NCS1: variants seen among roughly 807,000 people sequenced by gnomAD.
NCS1 encodes the protein frequenin homolog.
Under a neutral mutation model 28.4 loss-of-function variants are expected in NCS1, and 6 were observed. That is an observed-to-expected ratio of 0.21 (90% CI 0.12 to 0.42). NCS1 has a LOEUF of 0.42. Among genes scored for constraint, NCS1 ranks in the 10% least tolerant of loss-of-function variants. The probability of loss-of-function intolerance (pLI) is 1.00; values close to 1 mark genes in which losing one functional copy is unlikely to be tolerated. For synonymous variants in NCS1, 86 were observed against 99.3 expected (o/e 0.87, Z 0.79); for missense variants, 131 against 241.4 (o/e 0.54, Z 3.03).
intron 2 of NCS1, among the ~76,000 whole-genome samples, chr9:130,203,025 G>A (rs1222604325): frequency 2.0e-5 from 3 of 150,274 alleles, no homozygotes; most frequent in African/African-American, 7.5e-5. Flanking sequence ...CAGAAGCTGA[G>A]CTCTTGCCTC....
intron 2 of NCS1, among the ~76,000 whole-genome samples, chr9:130,212,373 T>C (rs1165378529): frequency 1.3e-5 from 2 of 151,252 alleles, no homozygotes; most frequent in Non-Finnish European, 2.9e-5. Flanking sequence ...GGGGAGGGGG[T>C]GCTACTGGCA....
At position 130,228,221 on chromosome 9, in the gene NCS1, G is replaced by T. The variant is rs1176185991; in HGVS notation, c.*17+1717G>T. 2.0e-5 allele frequency among the ~76,000 whole-genome samples: 3 copies of T among 150,362 alleles called. No homozygotes were observed. The East Asian group carries it at 5.8e-4, about 29-fold the overall frequency. ...TTTTTCTGCGACTGGGTCTCACTCT[G>T]TTACCCAGCCACCAGGTCATGGCTC... On this transcript the variant is annotated intron_variant, in intron 7 of 7. Transcript: ENST00000372398.
intron 7 of NCS1, among the ~76,000 whole-genome samples, chr9:130,231,318 C>T (rs781803609): frequency 5.9e-5 from 9 of 151,632 alleles, no homozygotes; most frequent in Non-Finnish European, 7.4e-5. Flanking sequence ...CACCACCGCA[C>T]TCCAGCCTGG....
rs2131166490 is a variant in NCS1 at position 130,233,824 on chromosome 9, G to A, written c.*852G>A. On this transcript the variant is annotated 3_prime_UTR_variant, in exon 8 of 8. Coordinates refer to ENST00000372398, the MANE Select transcript of NCS1 (RefSeq NM_014286.4). The surrounding 1 kb of genome is among the most constrained non-coding windows in gnomAD (Gnocchi z 4.8). ...TTTTTTTTTTTCAGATACTGTGCTT[G>A]ATTTTTGGAGAGGGGAGAGGTGGAA... 1 of 152,122 alleles carries A rather than the reference G, an allele frequency of 6.6e-6. No individual in the cohort carries two copies. Among genetic ancestry groups the A allele is most frequent in the Middle Eastern group, 3.4e-3 (1 of 294 alleles). The allele number at this position is 152,122 out of a possible 1,614,324, so 9.4% of individuals were successfully genotyped here.
At chr9:130,217,685 G>A (rs1833208698) in intron 2 of NCS1, 147 bp from the exon 3 acceptor site, 3 of 1,145,122 alleles carry the variant, frequency 2.6e-6, no homozygotes, top group Non-Finnish European at 4.0e-6. Flanking sequence ...GACTGCGCCT[G>A]TGCCTATCAA....
intron 2 of NCS1, among the ~76,000 whole-genome samples, chr9:130,211,816 G>A (rs782360329): frequency 1.3e-5 from 2 of 152,180 alleles, no homozygotes; most frequent in African/African-American, 2.4e-5. Flanking sequence ...TCAACAGCCC[G>A]TGGCCTGTCA....
chr9:130,233,400 C>T lies in NCS1; in HGVS notation c.*428C>T, dbSNP rs1166775103. 1.4e-4 allele frequency: 21 copies of T among 152,472 alleles called. No homozygotes were observed. The highest frequency in any genetic ancestry group is 5.1e-4 in the African/African-American group (21 of 41,428). The allele number at this position is 152,472 out of a possible 1,614,324, so 9.4% of individuals were successfully genotyped here. A position where few individuals can be genotyped will look rare whatever the true frequency, so the allele number is the denominator to read the frequency against. ...GACAGATGGGGTGAAGGCCTGGGGA[C>T]CTCAGAGAACTCTGCCTTGCCCTCG... is the stretch of plus-strand genomic sequence containing the variant. On this transcript the variant is annotated 3_prime_UTR_variant, in exon 8 of 8. Coordinates refer to ENST00000372398, the MANE Select transcript of NCS1 (RefSeq NM_014286.4). This position sits in a 1 kb window ranked among gnomAD's most constrained non-coding sequence, Gnocchi z 4.8.
At chr9:130,222,810 A>G (rs1454261307) in intron 5 of NCS1, 72 bp downstream of exon 5, 3 of 1,484,970 alleles carry the variant, frequency 2.0e-6, no homozygotes, top group Non-Finnish European at 2.8e-6. Context: ...ACAGAGAGAG[A>G]GCACTTGTGC....
rs2131155716 is a variant in NCS1 at position 130,222,056 on chromosome 9, C to CGTGTGTGTGT, written c.308-594_308-593insGTGTGTGTGT. 8.7e-5 allele frequency among the ~76,000 whole-genome samples: 10 copies of CGTGTGTGTGT among 114,396 alleles called. 2 individuals are homozygous for CGTGTGTGTGT. Among genetic ancestry groups the CGTGTGTGTGT allele is most frequent in the African/African-American group, 3.5e-4 (10 of 28,344 alleles). The allele number at this position is 114,396 out of a possible 152,430, so 75.0% of individuals were successfully genotyped here. ...AATTATGTATCTATAAATATATATA[C>CGTGTGTGTGT]ATAAATATAAATTATGTATCTATAA... On this transcript the variant is annotated intron_variant, in intron 4 of 7. Coordinates refer to ENST00000372398, the MANE Select transcript of NCS1 (RefSeq NM_014286.4).
At chr9:130,200,828 G>A in intron 1 of NCS1, 130 bp from the exon 2 acceptor site, 3 of 1,460,306 alleles carry the variant, frequency 2.1e-6, no homozygotes, top group Non-Finnish European at 1.9e-6. Flanking sequence ...CTCATCCAGA[G>A]CAGGCCGTTG....
chr9:130,190,674 G>A (rs868937064), intron 1 of NCS1, among the ~76,000 whole-genome samples: 9 of 152,200 alleles, frequency 5.9e-5, no homozygotes, highest in Admixed American at 3.3e-4. Flanking sequence ...GACAGCGTGC[G>A]GGAGGTGGGC....
At position 130,209,520 on chromosome 9, in the gene NCS1, A is replaced by G. The variant is rs1163897412; in HGVS notation, c.90-8312A>G. 6.6e-6 allele frequency among the ~76,000 whole-genome samples: 1 copy of G among 151,918 alleles called. No homozygotes were observed. The highest frequency in any genetic ancestry group is 1.5e-5 in the Non-Finnish European group (1 of 67,996). On this transcript the variant is annotated intron_variant, in intron 2 of 7. Transcript: ENST00000372398. This position sits in a 1 kb window ranked among gnomAD's most constrained non-coding sequence, Gnocchi z 4.4. The stretch of plus-strand genomic sequence containing the variant: ...TTCAGTACATCTTGACTGAGCACCT[A>G]CTCTATGCCAGGCCAGTGCCGGTTG...
chr9:130,205,898 G>A (rs897442270), intron 2 of NCS1, among the ~76,000 whole-genome samples: 1 of 151,836 alleles, frequency 6.6e-6, no homozygotes, highest in Non-Finnish European at 1.5e-5. Flanking sequence ...GAAAAGTTCT[G>A]TGTGTCTCAA....
chr9:130,173,045 G>A (rs1187022040), intron 1 of NCS1, among the ~76,000 whole-genome samples: 2 of 152,142 alleles, frequency 1.3e-5, no homozygotes, highest in African/African-American at 4.8e-5. Flanking sequence ...GGCAGGGGCT[G>A]TTGCCAGGGT....
intron 2 of NCS1, among the ~76,000 whole-genome samples, chr9:130,214,275 G>A (rs1833154755): frequency 6.6e-6 from 1 of 152,236 alleles, no homozygotes; most frequent in South Asian, 2.1e-4. Context: ...ATCTAAGCTG[G>A]GGCCTGGCGG....
rs1397694616 is a variant in NCS1 at position 130,191,790 on chromosome 9, G to T, written c.65-9168G>T. ...CTGGTGGGCAGCCTGCTTGGAAGGG[G>T]CAGCGAGCAGAGCAGACGGGGCCCG... On this transcript the variant is annotated intron_variant, in intron 1 of 7. Transcript: ENST00000372398. The surrounding 1 kb of genome is among the most constrained non-coding windows in gnomAD (Gnocchi z 6.4). Among the ~76,000 whole-genome samples, 3 of 152,232 alleles carry T rather than the reference G, an allele frequency of 2.0e-5. No individual in the cohort carries two copies. The highest frequency in any genetic ancestry group is 2.9e-5 in the Non-Finnish European group (2 of 68,040).
In NCS1 at chr9:130,219,615, T is replaced by G; in HGVS notation, c.229-110T>G. ...CCTGCCCTCTCCACCTGAGTGTCCATTGGCCACAGTGTCTGGAGCCTGCGA... is the reference window on the plus strand; with the variant it reads ...CCTGCCCTCTCCACCTGAGTGTCCAGTGGCCACAGTGTCTGGAGCCTGCGA... On this transcript the variant is annotated intron_variant, in intron 3 of 7. Coordinates refer to ENST00000372398, the MANE Select transcript of NCS1 (RefSeq NM_014286.4). The surrounding 1 kb of genome is among the most constrained non-coding windows in gnomAD (Gnocchi z 5.7). 2 of 897,582 alleles carry G rather than the reference T, an allele frequency of 2.2e-6. No individual in the cohort carries two copies. Among genetic ancestry groups the G allele is most frequent in the Non-Finnish European group, 1.8e-6 (1 of 570,732 alleles). The allele number at this position is 897,582 out of a possible 1,614,324, so 55.6% of individuals were successfully genotyped here.
intron 1 of NCS1, chr9:130,200,309 G>A (rs1832924090): frequency 2.0e-6 from 1 of 494,908 alleles, no homozygotes; most frequent in South Asian, 3.2e-5. Context: ...ATTTTTGTTT[G>A]TTTCATGGCT....
chr9:130,174,823 T>C (rs1554904450), intron 1 of NCS1, among the ~76,000 whole-genome samples: 3 of 143,788 alleles, frequency 2.1e-5, no homozygotes, highest in African/African-American at 7.8e-5. Flanking sequence ...GCTGGGTGTC[T>C]TTTTCTGGCT....
Sources: gnomAD v4.1 joint callset for allele counts (sites outside exome capture counted in the v4.1 genomes callset) on GRCh38, gnomAD v4.1.1 for gene constraint, Gnocchi (gnomAD v3.1) non-coding constraint, MANE v1.5 for transcripts, NCBI Gene and HGNC (gene_info 2026-07-23, HGNC 2026-07-21) for gene names.